Variants in DIDO1 observed in about 807,000 individuals in gnomAD.
DIDO1 encodes death inducer-obliterator 1, also known as death-inducer obliterator 1.
A neutral mutation model predicts 99.4 loss-of-function variants in DIDO1; 16 were observed. The ratio of observed to expected loss-of-function variants is 0.16; its 90% confidence interval spans 0.11 to 0.24. The LOEUF (loss-of-function observed/expected upper bound fraction) is 0.24, where lower values mean the gene tolerates loss of function less well. Among genes scored for constraint, DIDO1 ranks in the 10% least tolerant of loss-of-function variants. The pLI is 1.00. For synonymous variants in DIDO1, 1,366 were observed against 1,239.1 expected (o/e 1.10, Z -2.15); for missense variants, 2,996 against 3,014.0 (o/e 0.99, Z 0.14).
At chr20:62,890,206 C>G (rs1238244360) in intron 15 of DIDO1, 1 of 985,904 alleles carries the variant, frequency 1.0e-6, no homozygotes, top group Admixed American at 6.1e-5. Flanking sequence ...GAGAGAACAC[C>G]AATCCTCTGG....
Position 62,896,471 on chromosome 20 carries a change from C to A in DIDO1, c.2054+60G>T. On this transcript the variant is annotated intron_variant, in intron 7 of 15. Transcript: ENST00000395343. The surrounding 1 kb of genome is among the most constrained non-coding windows in gnomAD (Gnocchi z 4.4). ...TTTGAACAGTGAGGCAATCCTGCAG[C>A]CACACTCTAATGAAAGCCCTTCCAT... 6.3e-7 allele frequency: 1 copy of A among 1,587,506 alleles called. No homozygotes were observed. Among genetic ancestry groups the A allele is most frequent in the East Asian group, 2.2e-5 (1 of 44,698 alleles).
At position 62,888,585 on chromosome 20, in the gene DIDO1, G is replaced by A. The variant is rs1338151944; in HGVS notation, c.3541+2375C>T. The A allele has an allele frequency of 3.0e-6, 3 of 985,432 alleles. No homozygotes were observed. In the African/African-American group the frequency reaches 5.2e-5, roughly 17 times the overall value. 61.0% of individuals were successfully genotyped at this position (985,432 alleles called of 1,614,324 possible). On this transcript the variant is annotated intron_variant, in intron 15 of 15. Coordinates refer to ENST00000395343, the MANE Select transcript of DIDO1 (RefSeq NM_001193369.2). ...CTCAGGTGTGGCCTGTGCTGTCCAAGGGCTTCTGGGCTATCTCCGTGAGGA... is the reference window on the plus strand; with the variant it reads ...CTCAGGTGTGGCCTGTGCTGTCCAAAGGCTTCTGGGCTATCTCCGTGAGGA...
At chr20:62,926,097 G>A (rs1355671428) in intron 1 of DIDO1, among the ~76,000 whole-genome samples, 2 of 151,734 alleles carry the variant, frequency 1.3e-5, no homozygotes, top group Admixed American at 6.6e-5. Flanking sequence ...CCAGCCCTGC[G>A]CTCTTCCCCG....
intron 1 of DIDO1, among the ~76,000 whole-genome samples, chr20:62,935,364 G>C (rs6090171): frequency 0.23 from 34,276 of 152,034 alleles, 4,127 homozygotes; most frequent in East Asian, 0.33. Context: ...TTACGATTTA[G>C]CCATAATCAA....
chr20:62,930,029 T>C (rs1323915971), upstream of DIDO1, among the ~76,000 whole-genome samples: 1 of 151,776 alleles, frequency 6.6e-6, no homozygotes, highest in Non-Finnish European at 1.5e-5. Flanking sequence ...GTCCTGAGGT[T>C]AGGAGTTCAA....
In DIDO1 at chr20:62,879,151, G is replaced by C. The variant is rs1034401173; in HGVS notation, c.*82C>G. On this transcript the variant is annotated 3_prime_UTR_variant, in exon 16 of 16. Transcript: ENST00000395343. The surrounding 1 kb of genome is among the most constrained non-coding windows in gnomAD (Gnocchi z 6.3). ...CCAGAATATTCTATCCTGAATCTAAGATCGTGGCTATTTCAAAAGCTATTT... is the reference window on the plus strand; with the variant it reads ...CCAGAATATTCTATCCTGAATCTAACATCGTGGCTATTTCAAAAGCTATTT... 7.9e-6 allele frequency: 10 copies of C among 1,262,980 alleles called. No homozygotes were observed. Among genetic ancestry groups the C allele is most frequent in the Non-Finnish European group, 1.0e-5 (10 of 956,128 alleles). The allele number at this position is 1,262,980 out of a possible 1,614,324, so 78.2% of individuals were successfully genotyped here. A position where few individuals can be genotyped will look rare whatever the true frequency, so the allele number is the denominator to read the frequency against.
At chr20:62,893,312 CAA>C (rs1388896039) in intron 12 of DIDO1, among the ~76,000 whole-genome samples, 1 of 152,214 alleles carries the variant, frequency 6.6e-6, no homozygotes, top group East Asian at 1.9e-4. Context: ...TTCAAGAGTA[CAA>C]AGACTTTATA....
chr20:62,893,039 T>G, intron 12 of DIDO1, 77 bp from the exon 13 acceptor site: 9 of 1,488,812 alleles, frequency 6.0e-6, no homozygotes, highest in Non-Finnish European at 8.1e-6. Flanking sequence ...AGCCTTTTTT[T>G]TTTTTGAGAC....
At chr20:62,903,506 A>T (rs2064730741) in intron 6 of DIDO1, among the ~76,000 whole-genome samples, 1 of 152,190 alleles carries the variant, frequency 6.6e-6, no homozygotes, top group African/African-American at 2.4e-5. Context: ...CCAGGGAGGC[A>T]GGGCAGGGGC....
Position 62,892,669 on chromosome 20 carries a change from A to C in DIDO1, c.3255+140T>G, listed in dbSNP as rs942615674. 7 of 1,206,218 alleles carry C rather than the reference A, an allele frequency of 5.8e-6. No homozygotes were observed. The Admixed American group carries it at 1.4e-4, about 24-fold the overall frequency. The allele number at this position is 1,206,218 out of a possible 1,614,324, so 74.7% of individuals were successfully genotyped here. A position where few individuals can be genotyped will look rare whatever the true frequency, so the allele number is the denominator to read the frequency against. On this transcript the variant is annotated intron_variant, in intron 13 of 15. Coordinates refer to ENST00000395343, the MANE Select transcript of DIDO1 (RefSeq NM_001193369.2). ...TGCATTTAGAGCCGTTTCTGCATCC[A>C]GACAGACGGTTGCAAGAGTGTCAGG...
chr20:62,921,185 C>A (rs901023326), intron 1 of DIDO1, among the ~76,000 whole-genome samples: 1 of 152,316 alleles, frequency 6.6e-6, no homozygotes, highest in African/African-American at 2.4e-5. Flanking sequence ...CATGAGCCAC[C>A]GTGCCCGGCT....
intron 15 of DIDO1, 80 bp downstream of exon 15, chr20:62,890,880 G>A: frequency 6.2e-7 from 1 of 1,611,216 alleles, no homozygotes; most frequent in Non-Finnish European, 8.5e-7. Context: ...GGGCTGGTCA[G>A]GACTCAGCAG....
intron 6 of DIDO1, chr20:62,905,675 A>G: frequency 6.3e-7 from 1 of 1,599,402 alleles, no homozygotes; most frequent in Non-Finnish European, 8.5e-7. Flanking sequence ...CAGCTTTGGA[A>G]AACAGTGACA....
At position 62,893,711 on chromosome 20, in the gene DIDO1, G is replaced by T; in HGVS notation, c.3056C>A (p.Ser1019Tyr). ...AACTGACAGGTATCTTGGGTCAGGA[G>T]ATGAGGATGGCTTAGCTAGTATGGA... is the stretch of plus-strand genomic sequence containing the variant. ...PKSILAKPSS[S>Y]PDPRYLSVPP... Residue 1019 changes from serine to tyrosine, a missense_variant, in exon 12 of 16, where the codon TCT (serine) becomes TAT (tyrosine). Physicochemically the swap from Ser to Tyr is moderately radical, Grantham distance 144. Transcript: ENST00000395343. The T allele has an allele frequency of 6.2e-7, 1 of 1,611,894 alleles. No homozygotes were observed. Among genetic ancestry groups the T allele is most frequent in the South Asian group, 1.1e-5 (1 of 91,032 alleles).
At chr20:62,919,767 G>A (rs1450785844) in intron 1 of DIDO1, among the ~76,000 whole-genome samples, 1 of 152,236 alleles carries the variant, frequency 6.6e-6, no homozygotes, top group Non-Finnish European at 1.5e-5. Context: ...AGCTCCCCAT[G>A]TGAGCTTGCA....
chr20:62,930,529 G>A (rs2065322774), upstream of DIDO1, among the ~76,000 whole-genome samples: 1 of 152,188 alleles, frequency 6.6e-6, no homozygotes, highest in Non-Finnish European at 1.5e-5. Flanking sequence ...GGAGCTACAC[G>A]TTCTATGCGG....
chr20:62,882,342 C>T lies in DIDO1; in HGVS notation c.3614G>A (p.Ser1205Asn), dbSNP rs2064223648. The T allele has an allele frequency of 1.2e-6, 2 of 1,614,066 alleles. No individual in the cohort carries two copies. Among genetic ancestry groups the T allele is most frequent in the African/African-American group, 1.3e-5 (1 of 75,050 alleles). The change falls in exon 16 of 16, where the codon AGT (serine) becomes AAT (asparagine). Residue 1205 changes from serine (S) to asparagine (N), a missense_variant. By Grantham distance (46) the Ser-to-Asn change is conservative (BLOSUM62 1). This residue lies in a region of DIDO1 where 135 missense variants were observed against 202.3 expected (regional missense o/e 0.67). Transcript: ENST00000395343. ...ICQKIKRPAN[S>N]GELDKMDEKR... Reference sequence around the variant, plus strand: ...TTCGTCCATCTTGTCTAACTCTCCACTGTTTGCGGGACGTTTGATTTTTTG... The same window carrying T: ...TTCGTCCATCTTGTCTAACTCTCCATTGTTTGCGGGACGTTTGATTTTTTG...
At position 62,907,162 on chromosome 20, in the gene DIDO1, C is replaced by T. The variant is rs565209771; in HGVS notation, c.1359G>A (p.Pro453=). The change falls in exon 5 of 16, where the codon CCG becomes CCA. Residue 453 remains proline, a synonymous_variant. Coordinates refer to ENST00000395343, the MANE Select transcript of DIDO1 (RefSeq NM_001193369.2). ...MKMKPEKPSL[P]KCGAQAGIKI... ...GTCCACTCACCTGAGCACCGCATTT[C>T]GGAAGACTGGGCTTCTCTGGCTTCA... is the stretch of plus-strand genomic sequence containing the variant. 4.1e-5 allele frequency: 66 copies of T among 1,614,250 alleles called. No individual in the cohort carries two copies. The East Asian group carries it at 9.4e-4, about 23-fold the overall frequency.
intron 1 of DIDO1, among the ~76,000 whole-genome samples, chr20:62,925,917 C>T (rs1046617171): frequency 6.6e-6 from 1 of 152,228 alleles, no homozygotes; most frequent in Non-Finnish European, 1.5e-5. Context: ...GCGCCAGCCG[C>T]CCCTGCAGTG....
Sources: allele counts gnomAD v4.1 joint callset (sites outside exome capture counted in the v4.1 genomes callset), GRCh38; gene constraint gnomAD v4.1.1; regional missense constraint gnomAD v4.1.1; non-coding constraint Gnocchi (gnomAD v3.1); transcripts MANE v1.5; gene names NCBI Gene and HGNC (gene_info 2026-07-23, HGNC 2026-07-21).